Variants in GRIN2B observed in about 807,000 individuals in gnomAD.
GRIN2B encodes the protein glutamate receptor ionotropic, NMDA 2B.
Under a neutral mutation model 114.5 loss-of-function variants are expected in GRIN2B, and 5 were observed. The observed-to-expected ratio is 0.04, with a 90% CI of 0.02 to 0.09. The LOEUF is 0.09. Ranked by LOEUF, GRIN2B falls within the 10% of genes least tolerant of loss-of-function variation. The probability of loss-of-function intolerance (pLI) is 1.00; values close to 1 mark genes in which losing one functional copy is unlikely to be tolerated. For synonymous variants in GRIN2B, 787 were observed against 745.1 expected (o/e 1.06, Z -0.92); for missense variants, 1,108 against 1,943.5 (o/e 0.57, Z 8.08).
At position 13,563,694 on chromosome 12, in the gene GRIN2B, C is replaced by T. The variant is rs1248498963; in HGVS notation, c.3544G>A (p.Gly1182Arg). ...PCTNRSHIKH[G>R]TGDKHGVVSG... ...ACCACGCCGTGTTTGTCGCCCGTCC[C>T]GTGCTTGATGTGAGACCTGTTGGTA... is the stretch of plus-strand genomic sequence containing the variant. The change falls in exon 14 of 14, where the codon GGG becomes AGG. Residue 1182 changes from glycine to arginine, a missense_variant. Transcript: ENST00000609686. The T allele has an allele frequency of 6.2e-7, 1 of 1,613,568 alleles. No individual in the cohort carries two copies. The highest frequency in any genetic ancestry group is 8.5e-7 in the Non-Finnish European group (1 of 1,179,978).
intron 10 of GRIN2B, among the ~76,000 whole-genome samples, chr12:13,586,057 T>C (rs1413428756): frequency 6.6e-6 from 1 of 152,342 alleles, no homozygotes; most frequent in Non-Finnish European, 1.5e-5. Flanking sequence ...ATAACCATGT[T>C]GGTAGAAAAA....
intron 3 of GRIN2B, among the ~76,000 whole-genome samples, chr12:13,815,864 T>C (rs1434616517): frequency 6.6e-6 from 1 of 152,226 alleles, no homozygotes; most frequent in African/African-American, 2.4e-5. Context: ...ACGTCATTGC[T>C]TACACAACAA....
intron 2 of GRIN2B, among the ~76,000 whole-genome samples, chr12:13,970,102 C>T (rs1421028612): frequency 6.6e-6 from 1 of 152,182 alleles, no homozygotes; most frequent in Non-Finnish European, 1.5e-5. Flanking sequence ...CCACCTGCCT[C>T]GGCCTCCCAA....
intron 2 of GRIN2B, among the ~76,000 whole-genome samples, chr12:13,893,341 G>A (rs1243744446): frequency 6.6e-6 from 1 of 152,058 alleles, no homozygotes; most frequent in East Asian, 1.9e-4. Flanking sequence ...AGATAGTGGA[G>A]GGGAGGGGGT....
At chr12:13,700,957 T>C (rs750557093) in intron 4 of GRIN2B, among the ~76,000 whole-genome samples, 16 of 152,150 alleles carry the variant, frequency 1.1e-4, no homozygotes, top group Non-Finnish European at 2.1e-4. Context: ...GGGTAATTTT[T>C]AAAGAAAAAG....
At chr12:13,565,662 A>G (rs549961895) in intron 13 of GRIN2B, among the ~76,000 whole-genome samples, 1 of 152,312 alleles carries the variant, frequency 6.6e-6, no homozygotes, top group East Asian at 1.9e-4. Context: ...TAGGGAAAGC[A>G]TATGAAAAGA....
chr12:13,597,809 C>T (rs1443107606), intron 10 of GRIN2B, among the ~76,000 whole-genome samples: 1 of 152,218 alleles, frequency 6.6e-6, no homozygotes, highest in Non-Finnish European at 1.5e-5. Flanking sequence ...GGTCAAGACC[C>T]TCCATCGGTA....
At chr12:13,762,385 G>C (rs1034791768) in intron 3 of GRIN2B, among the ~76,000 whole-genome samples, 1 of 152,154 alleles carries the variant, frequency 6.6e-6, no homozygotes, top group Admixed American at 6.5e-5. Flanking sequence ...AAGCCGAAAG[G>C]ACAGCATCTA....
intron 4 of GRIN2B, among the ~76,000 whole-genome samples, chr12:13,733,341 C>CCCTATACTT (rs1278794822): frequency 1.3e-5 from 2 of 151,434 alleles, no homozygotes; most frequent in African/African-American, 4.9e-5. Flanking sequence ...GTCATAAACA[C>CCCTATACTT]CCTATACTTC....
In GRIN2B at chr12:13,621,611, TTG is replaced by T. The variant is rs1258965946; in HGVS notation, c.1126-4956_1126-4955del. 1.2e-3 allele frequency among the ~76,000 whole-genome samples: 152 copies of T among 131,506 alleles called. 17 individuals are homozygous for T. Among genetic ancestry groups the T allele is most frequent in the African/African-American group, 3.4e-3 (107 of 31,518 alleles). 86.3% of individuals were successfully genotyped at this position (131,506 alleles called of 152,430 possible). ...AGAGAAAAAAAAAATTGCCTAGTTT[TTG>T]TTTTTTTTTTTTTTTTTTTTTTTTT... On this transcript the variant is annotated intron_variant, in intron 5 of 13. Transcript: ENST00000609686.
intron 3 of GRIN2B, among the ~76,000 whole-genome samples, chr12:13,767,594 G>T (rs889299553): frequency 2.6e-5 from 4 of 152,248 alleles, no homozygotes; most frequent in Admixed American, 2.0e-4. Flanking sequence ...TGAGCTAGAG[G>T]TACTTCCAGG....
chr12:13,700,692 G>A (rs1465396289), intron 4 of GRIN2B, among the ~76,000 whole-genome samples: 4 of 152,106 alleles, frequency 2.6e-5, no homozygotes, highest in South Asian at 2.1e-4. Context: ...TCCAGCCCTC[G>A]TCAAACACTC....
At chr12:13,629,519 C>T (rs1949599980) in intron 5 of GRIN2B, among the ~76,000 whole-genome samples, 1 of 152,202 alleles carries the variant, frequency 6.6e-6, no homozygotes, top group Non-Finnish European at 1.5e-5. Context: ...TTACCCTTCT[C>T]AAAGGCTGTC....
chr12:13,788,628 A>G (rs888845364), intron 3 of GRIN2B, among the ~76,000 whole-genome samples: 1 of 152,206 alleles, frequency 6.6e-6, no homozygotes, highest in Non-Finnish European at 1.5e-5. Context: ...AAACAATTTC[A>G]CGTGCCTCTT....
At chr12:13,894,022 T>A (rs1213809032) in intron 2 of GRIN2B, among the ~76,000 whole-genome samples, 5 of 151,864 alleles carry the variant, frequency 3.3e-5, no homozygotes, top group Non-Finnish European at 4.4e-5. Context: ...AGCGGTGGAG[T>A]GTAATTTTTA....
At chr12:13,928,631 A>G (rs1269599000) in intron 2 of GRIN2B, among the ~76,000 whole-genome samples, 4 of 152,250 alleles carry the variant, frequency 2.6e-5, no homozygotes, top group African/African-American at 9.6e-5. Flanking sequence ...GCTATGTTCA[A>G]AAGAAAGTGA....
intron 3 of GRIN2B, among the ~76,000 whole-genome samples, chr12:13,794,545 T>C (rs961651683): frequency 1.3e-5 from 2 of 152,154 alleles, no homozygotes; most frequent in African/African-American, 4.8e-5. Flanking sequence ...GTCACAAAGA[T>C]CCAGTGGCAT....
chr12:13,593,444 G>T (rs550118973), intron 10 of GRIN2B, among the ~76,000 whole-genome samples: 26 of 152,206 alleles, frequency 1.7e-4, no homozygotes, highest in Non-Finnish European at 3.7e-4. Context: ...AAGCAATGGG[G>T]AAAGGATTCC....
At chr12:13,634,301 T>G (rs901350495) in intron 5 of GRIN2B, 2 of 152,194 alleles carry the variant, frequency 1.3e-5, no homozygotes, top group Non-Finnish European at 2.9e-5. Context: ...TAACTTCCAG[T>G]GTATTAACTA....
Sources: gnomAD v4.1 joint callset for allele counts (sites outside exome capture counted in the v4.1 genomes callset) on GRCh38, gnomAD v4.1.1 for gene constraint, MANE v1.5 for transcripts, NCBI Gene and HGNC (gene_info 2026-07-23, HGNC 2026-07-21) for gene names.